Variants in ST6GALNAC5 observed in about 807,000 individuals in gnomAD.
ST6GALNAC5 encodes the protein alpha-N-acetylgalactosaminide alpha-2,6-sialyltransferase 5.
In ST6GALNAC5, 27 loss-of-function variants were observed where a neutral mutation model predicts 33.6. The observed-to-expected ratio is 0.80, with a 90% confidence interval of 0.59 to 1.11. The LOEUF (loss-of-function observed/expected upper bound fraction) is 1.11. Ranked by LOEUF, ST6GALNAC5 falls within the 50% of genes least tolerant of loss-of-function variation. ST6GALNAC5 has a pLI of 0.00. For missense variants in ST6GALNAC5, 428 were observed against 454.0 expected (o/e 0.94, Z 0.52); for synonymous variants, 194 against 171.2 (o/e 1.13, Z -1.04).
intron 2 of ST6GALNAC5, among the ~76,000 whole-genome samples, chr1:76,939,700 G>A (rs867554315): frequency 5.3e-5 from 8 of 152,180 alleles, no homozygotes; most frequent in African/African-American, 1.9e-4. Flanking sequence ...TAAGACTGAG[G>A]GATATACATT....
At chr1:76,970,822 G>A (rs1330329908) in intron 2 of ST6GALNAC5, among the ~76,000 whole-genome samples, 2 of 151,890 alleles carry the variant, frequency 1.3e-5, no homozygotes, top group East Asian at 1.9e-4. Context: ...ATGTAGCTGG[G>A]GTCTGTTCAT....
At chr1:76,966,216 G>T (rs1342961110) in intron 2 of ST6GALNAC5, among the ~76,000 whole-genome samples, 1 of 152,146 alleles carries the variant, frequency 6.6e-6, no homozygotes, top group Admixed American at 6.5e-5. Context: ...TCACCATATT[G>T]ATTCTTCCTA....
chr1:77,027,036 C>A (rs1038667311), intron 2 of ST6GALNAC5, among the ~76,000 whole-genome samples: 1 of 152,154 alleles, frequency 6.6e-6, no homozygotes, highest in African/African-American at 2.4e-5. Context: ...GTGGTGCTGA[C>A]AAGAGAGTTT....
At chr1:76,874,199 GAAT>G (rs1653574068) in intron 2 of ST6GALNAC5, among the ~76,000 whole-genome samples, 1 of 152,156 alleles carries the variant, frequency 6.6e-6, no homozygotes, top group Non-Finnish European at 1.5e-5. Flanking sequence ...GGTATCCAAT[GAAT>G]AATTACTGAA....
At chr1:76,936,953 G>GGTGTGTGTGTGTGTGTGTGTGTGT (rs34309736) in intron 2 of ST6GALNAC5, among the ~76,000 whole-genome samples, 12 of 140,010 alleles carry the variant, frequency 8.6e-5, no homozygotes, top group Admixed American at 1.4e-4. Flanking sequence ...AGAGAAGCAG[G>GGTGTGTGTGTGTGTGTGTGTGTGT]GTGTGTGTGT....
chr1:76,956,203 G>A (rs1883776), intron 2 of ST6GALNAC5, among the ~76,000 whole-genome samples: 8,823 of 151,714 alleles, frequency 0.058, 374 homozygotes, highest in Non-Finnish European at 0.09. Context: ...CTCTATTAAA[G>A]TCTCTACTTA....
At chr1:76,972,381 G>A (rs962616666) in intron 2 of ST6GALNAC5, among the ~76,000 whole-genome samples, 7 of 151,914 alleles carry the variant, frequency 4.6e-5, no homozygotes, top group African/African-American at 1.7e-4. Flanking sequence ...ATTTGTGTGG[G>A]GACACAGCCA....
intron 4 of ST6GALNAC5, among the ~76,000 whole-genome samples, chr1:77,051,868 A>G (rs1160243981): frequency 6.6e-6 from 1 of 152,196 alleles, no homozygotes; most frequent in Non-Finnish European, 1.5e-5. Context: ...CAATATTGCC[A>G]TTAGGATGCC....
chr1:76,897,164 G>C lies in ST6GALNAC5; in HGVS notation c.261+28422G>C, dbSNP rs918348197. ...TGCGGCAGTACAGCCTAGGTAATTT[G>C]CTGAGCTTGATGGGTGTCAGGGTCA... On this transcript the variant is annotated intron_variant, in intron 2 of 4. Transcript: ENST00000477717. Among the ~76,000 whole-genome samples the C allele has an allele frequency of 9.2e-5, 14 of 152,256 alleles. 1 individual carries two copies. The highest frequency in any genetic ancestry group is 3.4e-4 in the African/African-American group (14 of 41,536).
At chr1:76,953,239 G>T (rs763170781) in intron 2 of ST6GALNAC5, among the ~76,000 whole-genome samples, 2 of 152,032 alleles carry the variant, frequency 1.3e-5, no homozygotes, top group Non-Finnish European at 2.9e-5. Context: ...TATGATTGGC[G>T]CAAGAAACTT....
intron 2 of ST6GALNAC5, among the ~76,000 whole-genome samples, chr1:76,932,143 T>C (rs1224244852): frequency 4.6e-5 from 7 of 152,048 alleles, no homozygotes; most frequent in Non-Finnish European, 8.8e-5. Flanking sequence ...AAGGGAGACA[T>C]TGAACTAAGG....
intron 2 of ST6GALNAC5, among the ~76,000 whole-genome samples, chr1:76,923,285 A>G (rs1647052835): frequency 6.6e-6 from 1 of 151,976 alleles, no homozygotes; most frequent in Non-Finnish European, 1.5e-5. Flanking sequence ...CCTAATGAAA[A>G]AAAAAAAGGA....
chr1:76,912,701 T>A (rs1646927214), intron 2 of ST6GALNAC5, among the ~76,000 whole-genome samples: 1 of 151,506 alleles, frequency 6.6e-6, no homozygotes, highest in African/African-American at 2.4e-5. Context: ...TCTCTTTTGA[T>A]CTTTGTTGGT....
intron 4 of ST6GALNAC5, among the ~76,000 whole-genome samples, chr1:77,052,406 G>C (rs765343925): frequency 6.6e-6 from 1 of 152,142 alleles, no homozygotes; most frequent in Non-Finnish European, 1.5e-5. Context: ...GGGTCTTGAG[G>C]CTTGTTTTCC....
At chr1:76,909,345 G>A (rs1646890793) in intron 2 of ST6GALNAC5, among the ~76,000 whole-genome samples, 2 of 151,998 alleles carry the variant, frequency 1.3e-5, no homozygotes, top group Non-Finnish European at 2.9e-5. Context: ...CAAAGCCTCA[G>A]TTTCTACATC....
intron 4 of ST6GALNAC5, among the ~76,000 whole-genome samples, chr1:77,052,321 G>C (rs1438280624): frequency 6.6e-6 from 1 of 152,168 alleles, no homozygotes; most frequent in African/African-American, 2.4e-5. Flanking sequence ...TAGCACAGAT[G>C]GATTCTACAG....
chr1:77,020,926 C>T (rs1053044245), intron 2 of ST6GALNAC5, among the ~76,000 whole-genome samples: 5 of 152,130 alleles, frequency 3.3e-5, no homozygotes, highest in African/African-American at 1.2e-4. Context: ...TTGTTGTTAC[C>T]CGGGGTTCCG....
At chr1:76,929,058 G>C (rs971985273) in intron 2 of ST6GALNAC5, among the ~76,000 whole-genome samples, 2 of 152,106 alleles carry the variant, frequency 1.3e-5, no homozygotes, top group Non-Finnish European at 2.9e-5. Flanking sequence ...AAAAATATTT[G>C]TTGAATACTT....
chr1:77,026,831 A>G (rs1486465989), intron 2 of ST6GALNAC5, among the ~76,000 whole-genome samples: 6 of 146,922 alleles, frequency 4.1e-5, no homozygotes, highest in East Asian at 4.0e-4. Flanking sequence ...GAATGAATGA[A>G]TGAATGAAAA....
Sources: allele counts gnomAD v4.1 joint callset (sites outside exome capture counted in the v4.1 genomes callset), GRCh38; gene constraint gnomAD v4.1.1; transcripts MANE v1.5; gene names NCBI Gene and HGNC (gene_info 2026-07-23, HGNC 2026-07-21).